CLDN10: variants seen among roughly 807,000 people sequenced by gnomAD.
The protein encoded by CLDN10 is claudin 10, also known as claudin-10.
Under a neutral mutation model 22.9 loss-of-function variants are expected in CLDN10, and 15 were observed. The observed-to-expected ratio is 0.65, with a 90% CI of 0.44 to 1.01. The LOEUF (loss-of-function observed/expected upper bound fraction) is 1.01. Ranked by LOEUF, CLDN10 falls within the 50% of genes least tolerant of loss-of-function variation. The probability of loss-of-function intolerance (pLI) is 0.00; values close to 1 mark genes in which losing one functional copy is unlikely to be tolerated. For missense variants in CLDN10, 247 were observed against 287.8 expected (o/e 0.86, Z 1.03); for synonymous variants, 114 against 111.4 (o/e 1.02, Z -0.15).
At chr13:95,492,006 T>C (rs1321212324) in intron 1 of CLDN10, among the ~76,000 whole-genome samples, 1 of 152,196 alleles carries the variant, frequency 6.6e-6, no homozygotes, top group Non-Finnish European at 1.5e-5. Flanking sequence ...CACAGAGTCC[T>C]GTGATGTGAA....
intron 1 of CLDN10, among the ~76,000 whole-genome samples, chr13:95,471,454 T>TA (rs201753710): frequency 0.12 from 9,946 of 80,540 alleles, 832 homozygotes; most frequent in East Asian, 0.52. Context: ...TATATATATA[T>TA]TTTTTTTTTT....
At chr13:95,521,592 T>C (rs1165498064) in intron 1 of CLDN10, among the ~76,000 whole-genome samples, 3 of 152,176 alleles carry the variant, frequency 2.0e-5, no homozygotes, top group African/African-American at 7.2e-5. Context: ...TAACACTTCA[T>C]TTATAATTTT....
chr13:95,477,144 A>C (rs1434590096), intron 1 of CLDN10, among the ~76,000 whole-genome samples: 1 of 152,210 alleles, frequency 6.6e-6, no homozygotes, highest in East Asian at 1.9e-4. Flanking sequence ...CAGATCTAAG[A>C]GAAGTGGGCA....
intron 1 of CLDN10, among the ~76,000 whole-genome samples, chr13:95,468,205 T>C (rs1173500318): frequency 6.8e-6 from 1 of 148,086 alleles, no homozygotes; most frequent in Non-Finnish European, 1.5e-5. Context: ...GATTAGATTC[T>C]GGATTCTTCC....
At chr13:95,575,579 G>T (rs968930309) in intron 3 of CLDN10, among the ~76,000 whole-genome samples, 1 of 151,798 alleles carries the variant, frequency 6.6e-6, no homozygotes, top group East Asian at 1.9e-4. Context: ...TGTGGACTTC[G>T]CTGCTCAGTT....
Position 95,560,141 on chromosome 13 carries a change from A to T in CLDN10, c.230A>T (p.Gln77Leu), listed in dbSNP as rs1259736157. ...CCTACTCTAATTGCAGGTTATATAC[A>T]GGCATGTAGAGGACTTATGATCGCT... The part of the protein sequence containing the change: ...PSMLALDGYI[Q>L]ACRGLMIAAV... The change falls in exon 2 of 5, where the codon CAG becomes CTG. Residue 77 changes from glutamine to leucine, a missense_variant. Gln to Leu is a moderately radical substitution (Grantham distance 113). Coordinates refer to ENST00000299339, the MANE Select transcript of CLDN10 (RefSeq NM_006984.5). The T allele has an allele frequency of 1.9e-6, 3 of 1,612,490 alleles. No homozygotes were observed. The highest frequency in any genetic ancestry group is 8.5e-7 in the Non-Finnish European group (1 of 1,179,094).
intron 1 of CLDN10, among the ~76,000 whole-genome samples, chr13:95,493,817 C>G (rs1240676930): frequency 6.6e-6 from 1 of 152,182 alleles, no homozygotes; most frequent in East Asian, 1.9e-4. Context: ...GCCTCAGCTT[C>G]CCAAAGTGCT....
intron 1 of CLDN10, among the ~76,000 whole-genome samples, chr13:95,484,706 A>C (rs4614588): frequency 0.6 from 86,361 of 144,350 alleles, 27,018 homozygotes; most frequent in African/African-American, 0.79. Context: ...AAAAAAAAAA[A>C]CCCACAAAAA....
intron 1 of CLDN10, among the ~76,000 whole-genome samples, chr13:95,463,029 G>A (rs1287941914): frequency 6.6e-6 from 1 of 151,926 alleles, no homozygotes; most frequent in Non-Finnish European, 1.5e-5. Flanking sequence ...TTGCTATGTT[G>A]GTGCTTCTGA....
At position 95,471,453 on chromosome 13, in the gene CLDN10, A is replaced by T. The variant is rs867130500; in HGVS notation, c.214+37406A>T. Among the ~76,000 whole-genome samples, 502 of 106,384 alleles carry T rather than the reference A, an allele frequency of 4.7e-3. 7 individuals carry two copies. Among genetic ancestry groups the T allele is most frequent in the East Asian group, 0.014 (49 of 3,470 alleles). 69.8% of individuals were successfully genotyped at this position (106,384 alleles called of 152,430 possible). ...CACACACACACACATATATATATAT[A>T]TTTTTTTTTTTTTTTTTGAGATGGA... On this transcript the variant is annotated intron_variant, in intron 1 of 4. Transcript: ENST00000376873.
chr13:95,466,747 T>TA (rs1200935122), intron 1 of CLDN10, among the ~76,000 whole-genome samples: 1 of 152,110 alleles, frequency 6.6e-6, no homozygotes, highest in African/African-American at 2.4e-5. Flanking sequence ...CATTTACTTG[T>TA]AAAAATTTTA....
chr13:95,503,760 A>C (rs2043009613), intron 1 of CLDN10, among the ~76,000 whole-genome samples: 1 of 152,218 alleles, frequency 6.6e-6, no homozygotes, highest in African/African-American at 2.4e-5. Context: ...AATGCTGTAT[A>C]ATTCTACTTA....
intron 1 of CLDN10, among the ~76,000 whole-genome samples, chr13:95,495,743 C>CAAAAAAA (rs71722865): frequency 4.0e-4 from 34 of 85,654 alleles, no homozygotes; most frequent in Non-Finnish European, 4.7e-4. Flanking sequence ...GACTCCACCT[C>CAAAAAAA]AAAAAAAAAA....
At chr13:95,508,340 G>A (rs2043059581) in intron 1 of CLDN10, among the ~76,000 whole-genome samples, 1 of 152,132 alleles carries the variant, frequency 6.6e-6, no homozygotes, top group African/African-American at 2.4e-5. Context: ...GTCTAAGAAT[G>A]TTTCATCTTT....
intron 1 of CLDN10, among the ~76,000 whole-genome samples, chr13:95,520,897 G>A (rs1043598258): frequency 1.7e-4 from 25 of 151,412 alleles, no homozygotes; most frequent in African/African-American, 2.7e-4. Context: ...GGAGAATCGC[G>A]GAGACTGCAG....
intron 1 of CLDN10, among the ~76,000 whole-genome samples, chr13:95,502,959 G>A (rs1594569508): frequency 6.6e-6 from 1 of 152,218 alleles, no homozygotes; most frequent in Admixed American, 6.5e-5. Flanking sequence ...ATGAATGAAA[G>A]GGATAGGAGT....
intron 1 of CLDN10, among the ~76,000 whole-genome samples, chr13:95,546,261 A>C (rs553816845): frequency 6.6e-6 from 1 of 152,300 alleles, no homozygotes; most frequent in African/African-American, 2.4e-5. Context: ...CTTGGTGGGA[A>C]GCAACTTCTC....
intron 1 of CLDN10, among the ~76,000 whole-genome samples, chr13:95,439,792 A>C (rs1026760412): frequency 2.0e-4 from 30 of 152,234 alleles, no homozygotes; most frequent in African/African-American, 7.2e-4. Context: ...ACAACATAGC[A>C]GTGCCTTAGT....
At chr13:95,535,023 A>T (rs1046318970) in intron 1 of CLDN10, among the ~76,000 whole-genome samples, 3 of 152,094 alleles carry the variant, frequency 2.0e-5, no homozygotes, top group East Asian at 1.9e-4. Flanking sequence ...GAGTTTTTTT[A>T]AAAAGTAATT....
Sources: allele counts gnomAD v4.1 joint callset (sites outside exome capture counted in the v4.1 genomes callset), GRCh38; gene constraint gnomAD v4.1.1; transcripts MANE v1.5; gene names NCBI Gene and HGNC (gene_info 2026-07-23, HGNC 2026-07-21).